Variants in PCDHGA6 observed in about 807,000 individuals in gnomAD.
PCDHGA6 encodes the protein protocadherin gamma subfamily A, 6, also known as protocadherin gamma-A6.
PCDHGA6 carries 41 observed loss-of-function variants against 60.6 expected under a neutral mutation model. That is an observed-to-expected ratio of 0.68 (90% CI 0.53 to 0.88). The LOEUF is 0.88. Ranked by LOEUF, PCDHGA6 falls within the 40% of genes least tolerant of loss-of-function variation. The pLI, the probability that PCDHGA6 is intolerant of heterozygous loss-of-function variation, is 0.00. For synonymous variants in PCDHGA6, 594 were observed against 524.4 expected (o/e 1.13, Z -1.81); for missense variants, 1,312 against 1,203.0 (o/e 1.09, Z -1.34).
In PCDHGA6 at chr5:141,490,745, C is replaced by T. The variant is rs769031787; in HGVS notation, c.2425-4062C>T. 22 of 1,614,120 alleles carry T rather than the reference C, an allele frequency of 1.4e-5. No individual in the cohort carries two copies. Among genetic ancestry groups the T allele is most frequent in the Non-Finnish European group, 1.9e-5 (22 of 1,180,050 alleles). On this transcript the variant is annotated intron_variant, in intron 1 of 3. Transcript: ENST00000517434. The surrounding 1 kb of genome is among the most constrained non-coding windows in gnomAD (Gnocchi z 5.4). Reference sequence around the variant, plus strand: ...GTAGGAAATCAGGTTCAGGGAGCCCCAGCCTCCTCCTTTGTGTATGTCAAC... The same window carrying T: ...GTAGGAAATCAGGTTCAGGGAGCCCTAGCCTCCTCCTTTGTGTATGTCAAC...
intron 1 of PCDHGA6, chr5:141,441,447 C>T: frequency 6.2e-6 from 1 of 161,550 alleles, no homozygotes. Flanking sequence ...CCAGCCCAAG[C>T]ATCACCCTAC....
intron 1 of PCDHGA6, among the ~76,000 whole-genome samples, chr5:141,462,211 C>T (rs543979258): frequency 2.0e-5 from 3 of 151,998 alleles, no homozygotes; most frequent in South Asian, 2.1e-4. Context: ...CCGCCTGCCT[C>T]GGCCTCCCAA....
chr5:141,414,427 C>G lies in PCDHGA6; in HGVS notation c.2424+37920C>G, dbSNP rs766147938. The G allele has an allele frequency of 6.2e-6, 10 of 1,613,684 alleles. No individual in the cohort carries two copies. The highest frequency in any genetic ancestry group is 1.6e-4 in the Middle Eastern group (1 of 6,084). On this transcript the variant is annotated intron_variant, in intron 1 of 3. Coordinates refer to ENST00000517434, the MANE Select transcript of PCDHGA6 (RefSeq NM_018919.3). ...GATACACAGAGCCCTTGACAGGGAA[C>G]AGGTATCCTCTTACAATATCACAGT... is the stretch of plus-strand genomic sequence containing the variant.
Position 141,491,410 on chromosome 5 carries a change from GA to G in PCDHGA6, c.2425-3396del. 1 of 1,614,142 alleles carries G rather than the reference GA, an allele frequency of 6.2e-7. No homozygotes were observed. The highest frequency in any genetic ancestry group is 8.5e-7 in the Non-Finnish European group (1 of 1,180,034). On this transcript the variant is annotated intron_variant, in intron 1 of 3. Coordinates refer to ENST00000517434, the MANE Select transcript of PCDHGA6 (RefSeq NM_018919.3). This position sits in a 1 kb window ranked among gnomAD's most constrained non-coding sequence, Gnocchi z 6.9. ...GTGCCTTCAGGGAAACGCAGACGGG[GA>G]CGGGGGTGGAGGGCAGTGCTGCAGG...
intron 1 of PCDHGA6, among the ~76,000 whole-genome samples, chr5:141,454,796 ATTTTTTTTTTTTTT>A (rs61612330): frequency 5.2e-5 from 4 of 77,408 alleles, no homozygotes; most frequent in Non-Finnish European, 9.3e-5. Flanking sequence ...CATGGTTCTA[ATTTTTTTTTTTTTT>A]TTTTTTTTTT....
chr5:141,415,078 G>T (rs780547982), intron 1 of PCDHGA6: 2 of 1,613,376 alleles, frequency 1.2e-6, no homozygotes, highest in Non-Finnish European at 8.5e-7. Context: ...CACGGCGCGA[G>T]CCCTGCTGGA....
intron 1 of PCDHGA6, chr5:141,383,006 C>A (rs751850819): frequency 1.9e-6 from 3 of 1,613,640 alleles, no homozygotes; most frequent in Non-Finnish European, 2.5e-6. Context: ...TACTCCGTGT[C>A]GGAGGAGACG....
intron 1 of PCDHGA6, chr5:141,419,876 C>T (rs1219393740): frequency 1.4e-5 from 23 of 1,614,084 alleles, no homozygotes; most frequent in Non-Finnish European, 1.9e-5. Flanking sequence ...AGAGGTACTG[C>T]CGGATTTCAG....
chr5:141,483,589 G>A (rs189449393), intron 1 of PCDHGA6, among the ~76,000 whole-genome samples: 17 of 152,214 alleles, frequency 1.1e-4, no homozygotes, highest in Admixed American at 1.1e-3. Context: ...ACACCTAATA[G>A]GTCAGGCTGG....
intron 1 of PCDHGA6, chr5:141,408,972 CT>C (rs1404896464): frequency 6.2e-7 from 1 of 1,613,870 alleles, no homozygotes; most frequent in Middle Eastern, 1.6e-4. Flanking sequence ...AATCTGCCCC[CT>C]GGGTCCCCTG....
At chr5:141,402,946 G>A (rs1012771364) in intron 1 of PCDHGA6, 1 of 1,592,686 alleles carries the variant, frequency 6.3e-7, no homozygotes, top group African/African-American at 1.4e-5. Flanking sequence ...TCCAAAGCGA[G>A]GCAGCAATGG....
intron 1 of PCDHGA6, among the ~76,000 whole-genome samples, chr5:141,380,760 A>C (rs1264111789): frequency 6.6e-6 from 1 of 152,232 alleles, no homozygotes; most frequent in Non-Finnish European, 1.5e-5. Context: ...AGACACTATA[A>C]ATTAATTGAG....
intron 1 of PCDHGA6, among the ~76,000 whole-genome samples, chr5:141,484,322 T>C (rs2099594801): frequency 6.6e-6 from 1 of 152,214 alleles, no homozygotes; most frequent in Non-Finnish European, 1.5e-5. Flanking sequence ...TTCCATACTG[T>C]CCTTGAAATC....
rs777111805 is a variant in PCDHGA6, at chr5:141,395,298, GT to G, written c.2424+18795del. On this transcript the variant is annotated intron_variant, in intron 1 of 3. Coordinates refer to ENST00000517434, the MANE Select transcript of PCDHGA6 (RefSeq NM_018919.3). ...ATGAATTTTATTTGGCATAAATTAT[GT>G]TTTGAAAAACATTGTGAAGATAGTT... 6 of 1,522,174 alleles carry G rather than the reference GT, an allele frequency of 3.9e-6. No homozygotes were observed. The East Asian group carries it at 9.1e-5, about 23-fold the overall frequency. The allele number at this position is 1,522,174 out of a possible 1,614,324, so 94.3% of individuals were successfully genotyped here.
At chr5:141,437,187 G>A (rs1055878763) in intron 1 of PCDHGA6, among the ~76,000 whole-genome samples, 1 of 152,148 alleles carries the variant, frequency 6.6e-6, no homozygotes, top group Non-Finnish European at 1.5e-5. Context: ...ACTGGGCAAT[G>A]GGTTTGGATG....
At chr5:141,421,306 T>C (rs1356157966) in intron 1 of PCDHGA6, 1 of 1,613,564 alleles carries the variant, frequency 6.2e-7, no homozygotes, top group South Asian at 1.1e-5. Context: ...GCTGCGGGGG[T>C]TCCGGGCCAG....
At chr5:141,427,153 T>C (rs2096993361) in intron 1 of PCDHGA6, 1 of 456,886 alleles carries the variant, frequency 2.2e-6, no homozygotes, top group Non-Finnish European at 4.4e-6. Context: ...GGAAATATGT[T>C]TGTGCTAGAC....
rs1316659737 is a variant in PCDHGA6 at position 141,490,964 on chromosome 5, C to T, written c.2425-3843C>T. ...CCACGGCCAGACTGGGAACACTCAG[C>T]CCCCCAGCGTCTCCCTCGCTCTGCT... On this transcript the variant is annotated intron_variant, in intron 1 of 3. Transcript: ENST00000517434. The surrounding 1 kb of genome is among the most constrained non-coding windows in gnomAD (Gnocchi z 5.4). 2.5e-6 allele frequency: 4 copies of T among 1,613,608 alleles called. No homozygotes were observed. Among genetic ancestry groups the T allele is most frequent in the East Asian group, 2.2e-5 (1 of 44,882 alleles).
intron 1 of PCDHGA6, chr5:141,427,842 C>A: frequency 6.5e-7 from 1 of 1,549,268 alleles, no homozygotes. Flanking sequence ...TGCCTTCGAC[C>A]ACGAGCAGCT....
Sources: gnomAD v4.1 joint callset for allele counts (sites outside exome capture counted in the v4.1 genomes callset) on GRCh38, gnomAD v4.1.1 for gene constraint, Gnocchi (gnomAD v3.1) non-coding constraint, MANE v1.5 for transcripts, NCBI Gene and HGNC (gene_info 2026-07-23, HGNC 2026-07-21) for gene names.